Variants in SMTNL1 observed in about 807,000 individuals in gnomAD.
SMTNL1 encodes the protein smoothelin-like protein 1.
SMTNL1 carries 41 observed loss-of-function variants against 46.6 expected under a neutral mutation model. That is an observed-to-expected ratio of 0.88 (90% CI 0.69 to 1.14). The LOEUF (loss-of-function observed/expected upper bound fraction) is 1.14, where lower values mean the gene tolerates loss of function less well. Ranked by LOEUF, SMTNL1 falls within the 50% of genes most tolerant of loss-of-function variation. The probability of loss-of-function intolerance (pLI) is 0.00; values close to 1 mark genes in which losing one functional copy is unlikely to be tolerated. For synonymous variants in SMTNL1, 234 were observed against 234.2 expected, an observed-to-expected ratio of 1.00 and a Z score of 0.01; for missense variants, 591 against 626.1, an observed-to-expected ratio of 0.94 and a Z score of 0.60.
chr11:57,546,134 G>A, intron 5 of SMTNL1, 98 bp downstream of exon 5: 3 of 1,512,452 alleles, frequency 2.0e-6, no homozygotes, highest in East Asian at 4.7e-5. Flanking sequence ...CCAGGCCAAG[G>A]CAGGAGGACT....
At chr11:57,544,205 C>A (rs1944904974) in intron 4 of SMTNL1, among the ~76,000 whole-genome samples, 1 of 152,160 alleles carries the variant, frequency 6.6e-6, no homozygotes, top group Admixed American at 6.5e-5. Context: ...CATGGTGAAA[C>A]CCTGTCTCTA....
Position 57,543,343 on chromosome 11 carries a change from CAA to C in SMTNL1, c.704_705del (p.Lys235ArgfsTer42), listed in dbSNP as rs1469291764. ...CATGGTGCAAAAGAGGAGGCTGATG[CAA>C]AAGAGGAGGCGGAGGATGCAGAGGA... On this transcript the variant is annotated frameshift_variant, in exon 2 of 8. Transcript: ENST00000527972. LOFTEE classifies it high-confidence loss of function. 1.2e-6 allele frequency: 2 copies of C among 1,613,842 alleles called. No individual in the cohort carries two copies.
rs73478639 is a variant in SMTNL1 at position 57,543,098 on chromosome 11, C to T, written c.456C>T (p.Ala152=). 1.3e-3 allele frequency: 2,022 copies of T among 1,611,690 alleles called. 20 individuals carry two copies. In the African/African-American group the frequency reaches 0.023, roughly 18 times the overall value. Reference sequence around the variant, plus strand: ...CCAAACCTGAATCTGGGCAGAAAGCCGATGCCAATGACAGAGACAAGCCTG... The same window carrying T: ...CCAAACCTGAATCTGGGCAGAAAGCTGATGCCAATGACAGAGACAAGCCTG... ...KEAKPESGQK[A]DANDRDKPEP... The change falls in exon 2 of 8, where the codon GCC becomes GCT. Residue 152 remains alanine, a synonymous_variant. Transcript: ENST00000527972.
chr11:57,542,104 C>CA (rs57091714), intron 1 of SMTNL1, among the ~76,000 whole-genome samples: 12,556 of 138,250 alleles, frequency 0.091, 610 homozygotes, highest in African/African-American at 0.13. Context: ...CCCATCTCTA[C>CA]AAAAAAAAAA....
rs73478629 is a variant in SMTNL1, at chr11:57,537,968, G to C, written c.-3+326G>C. 6.3e-3 allele frequency among the ~76,000 whole-genome samples: 953 copies of C among 152,218 alleles called. 11 individuals carry two copies. The highest frequency in any genetic ancestry group is 0.022 in the African/African-American group (911 of 41,542). ...CTGTCCAGCCCACAGGCTACCTGTG[G>C]CCCAGGATGGCTTTGAATGTAGCCC... On this transcript the variant is annotated intron_variant, in intron 1 of 7. Coordinates refer to ENST00000527972, the MANE Select transcript of SMTNL1 (RefSeq NM_001105565.3).
At chr11:57,545,479 C>G (rs1944914092) in intron 4 of SMTNL1, among the ~76,000 whole-genome samples, 2 of 151,932 alleles carry the variant, frequency 1.3e-5, no homozygotes, top group South Asian at 4.2e-4. Context: ...GTGGCGGGCA[C>G]CTGTAATCCC....
chr11:57,543,682 G>A lies in SMTNL1; in HGVS notation c.791G>A (p.Gly264Glu). 2 of 1,597,094 alleles carry A rather than the reference G, an allele frequency of 1.3e-6. No homozygotes were observed. Among genetic ancestry groups the A allele is most frequent in the Non-Finnish European group, 1.7e-6 (2 of 1,172,200 alleles). Residue 264 changes from glycine (G) to glutamate (E), a missense_variant, in exon 3 of 8, where the codon GGG becomes GAG. Transcript: ENST00000527972. ...EQDVEKEPEG[G>E]AGVIPSSPEE... ...GACGTGGAAAAAGAGCCAGAGGGAG[G>A]GGCAGGGGTGATTCCCAGCTCCCCA...
At position 57,546,262 on chromosome 11, in the gene SMTNL1, G is replaced by T. The variant is rs756566813; in HGVS notation, c.1103G>T (p.Arg368Leu). 3.7e-6 allele frequency: 6 copies of T among 1,608,558 alleles called. No individual in the cohort carries two copies. In the African/African-American group the frequency reaches 6.7e-5, roughly 18 times the overall value. ...GCTTCCGGCCCCACGGCCTTGTTCC[G>T]CAACACTAAGGCAGCCGGGGCAGCC... ...GAASGPTALF[R>L]NTKAAGAAIG... The change falls in exon 6 of 8, where the codon CGC (arginine) becomes CTC (leucine). Residue 368 changes from arginine (R) to leucine (L), a missense_variant. Physicochemically the swap from Arg to Leu is moderately radical, Grantham distance 102. Transcript: ENST00000527972.
At chr11:57,546,790 A>G in intron 7 of SMTNL1, 138 bp downstream of exon 7, 1 of 1,157,146 alleles carries the variant, frequency 8.6e-7, no homozygotes, top group Non-Finnish European at 1.2e-6. Flanking sequence ...TTTGAGGGCC[A>G]GGCACTGTTT....
chr11:57,545,793 A>C, intron 4 of SMTNL1, 88 bp from the exon 5 acceptor site: 97 of 901,862 alleles, frequency 1.1e-4, no homozygotes, highest in Middle Eastern at 3.4e-4. Flanking sequence ...CTGCAGTGCC[A>C]CCCACCCTCC....
At chr11:57,541,548 G>A in intron 1 of SMTNL1, 1 of 1,367,378 alleles carries the variant, frequency 7.3e-7, no homozygotes, top group Non-Finnish European at 9.8e-7. Flanking sequence ...CTCAGCAGAG[G>A]CCAGGGAGAG....
intron 1 of SMTNL1, among the ~76,000 whole-genome samples, chr11:57,542,111 A>ACACAC (rs1491501897): frequency 5.9e-4 from 52 of 87,978 alleles, no homozygotes; most frequent in African/African-American, 2.3e-3. Context: ...CTACAAAAAA[A>ACACAC]AAACACACAC....
At chr11:57,549,236 G>A (rs1156294538) in intron 7 of SMTNL1, among the ~76,000 whole-genome samples, 2 of 152,058 alleles carry the variant, frequency 1.3e-5, no homozygotes, top group African/African-American at 4.8e-5. Context: ...ATGTTGGCCA[G>A]GCTGGTCTCA....
At chr11:57,540,136 A>C (rs1369504483) in intron 1 of SMTNL1, among the ~76,000 whole-genome samples, 1 of 152,228 alleles carries the variant, frequency 6.6e-6, no homozygotes, top group Admixed American at 6.5e-5. Context: ...ATGGTCAAAT[A>C]GGTTTGGAAA....
At chr11:57,537,989 A>C (rs998261562) in intron 1 of SMTNL1, among the ~76,000 whole-genome samples, 1 of 151,954 alleles carries the variant, frequency 6.6e-6, no homozygotes, top group Non-Finnish European at 1.5e-5. Context: ...CTTTGAATGT[A>C]GCCCAACATG....
intron 1 of SMTNL1, among the ~76,000 whole-genome samples, chr11:57,538,795 G>A (rs1944850639): frequency 6.6e-6 from 1 of 152,206 alleles, no homozygotes; most frequent in African/African-American, 2.4e-5. Flanking sequence ...AAGGGTCGGA[G>A]CAAGAAATGA....
intron 7 of SMTNL1, among the ~76,000 whole-genome samples, chr11:57,548,282 C>T (rs577101010): frequency 1.7e-4 from 26 of 152,256 alleles, no homozygotes; most frequent in African/African-American, 6.0e-4. Flanking sequence ...ATTCCTGCCT[C>T]GGGGCCCTTG....
chr11:57,543,809 G>C (rs1944901549), intron 3 of SMTNL1, 53 bp downstream of exon 3: 1 of 1,557,744 alleles, frequency 6.4e-7, no homozygotes, highest in Non-Finnish European at 8.7e-7. Context: ...CTGGGGGAGG[G>C]GCGCAAGAAG....
rs1452049633 is a variant in SMTNL1 at position 57,543,261 on chromosome 11, G to A, written c.619G>A (p.Val207Met). Residue 207 changes from valine (V) to methionine (M), a missense_variant, in exon 2 of 8, where the codon GTG (valine) becomes ATG (methionine). By Grantham distance (21) the Val-to-Met change is conservative. Transcript: ENST00000527972. ...CAAGGCTGAATCGCAGAAGGCTGTT[G>A]TGGAGGATGAGGCTAAGGCTGAACC... ...EAKAESQKAV[V>M]EDEAKAEPKE... The A allele has an allele frequency of 6.2e-7, 1 of 1,613,866 alleles. No individual in the cohort carries two copies. The highest frequency in any genetic ancestry group is 2.2e-5 in the East Asian group (1 of 44,878).
Sources: gnomAD v4.1 joint callset for allele counts (sites outside exome capture counted in the v4.1 genomes callset) on GRCh38, gnomAD v4.1.1 for gene constraint, MANE v1.5 for transcripts, NCBI Gene and HGNC (gene_info 2026-07-23, HGNC 2026-07-21) for gene names.